The following NIPAL2 variants were observed in gnomAD, a reference collection of about 807,000 sequenced individuals.
NIPAL2 encodes the protein NIPA-like protein 2.
Under a neutral mutation model 48.9 loss-of-function variants are expected in NIPAL2, and 43 were observed. That is an observed-to-expected ratio of 0.88 (90% CI 0.69 to 1.13). The LOEUF (loss-of-function observed/expected upper bound fraction) is 1.13, where lower values mean the gene tolerates loss of function less well. Ranked by LOEUF, NIPAL2 falls within the 50% of genes most tolerant of loss-of-function variation. NIPAL2 has a pLI of 0.00. For synonymous variants in NIPAL2, 167 were observed against 174.6 expected (o/e 0.96, Z 0.34); for missense variants, 446 against 461.4 (o/e 0.97, Z 0.31).
Position 98,251,631 on chromosome 8 carries a change from A to G in NIPAL2, c.376+832T>C, listed in dbSNP as rs115823218. 486 of 152,370 alleles carry G rather than the reference A, an allele frequency of 3.2e-3. 1 individual carries two copies. Among genetic ancestry groups the G allele is most frequent in the African/African-American group, 0.011 (458 of 41,592 alleles). The allele number at this position is 152,370 out of a possible 1,614,324, so 9.4% of individuals were successfully genotyped here. On this transcript the variant is annotated intron_variant, in intron 3 of 10. Transcript: ENST00000430223. ...ACAAAATAAAATTCTCTTCGAATCT[A>G]CATCGTTTCAGTTTAAATGATGTTT... is the stretch of plus-strand genomic sequence containing the variant.
intron 6 of NIPAL2, among the ~76,000 whole-genome samples, chr8:98,206,433 T>C (rs1667494340): frequency 6.6e-6 from 1 of 152,020 alleles, no homozygotes; most frequent in South Asian, 2.1e-4. Context: ...AAACTGAAAA[T>C]ATACTTTAAC....
intron 3 of NIPAL2, among the ~76,000 whole-genome samples, chr8:98,251,324 T>C (rs936623389): frequency 2.0e-5 from 3 of 152,220 alleles, no homozygotes; most frequent in Non-Finnish European, 4.4e-5. Flanking sequence ...TTTTATCTGT[T>C]ATTTCCCAGA....
At position 98,191,004 on chromosome 8, in the gene NIPAL2, ATT is replaced by A. The variant is rs1259779607; in HGVS notation, c.*1972_*1973del. Reference sequence around the variant, plus strand: ...GGAAAGTAAAACTAGGTCTGAATATATTTTATATGTTACCTGGACTTCTAAAA... The same window carrying A: ...GGAAAGTAAAACTAGGTCTGAATATATTATATGTTACCTGGACTTCTAAAA... On this transcript the variant is annotated 3_prime_UTR_variant, in exon 11 of 11. Coordinates refer to ENST00000430223, the MANE Select transcript of NIPAL2 (RefSeq NM_001321635.2). The A allele has an allele frequency of 2.0e-5, 3 of 152,224 alleles. No individual in the cohort carries two copies. Among genetic ancestry groups the A allele is most frequent in the Non-Finnish European group, 4.4e-5 (3 of 68,032 alleles). The allele number at this position is 152,224 out of a possible 1,614,324, so 9.4% of individuals were successfully genotyped here. A position where few individuals can be genotyped will look rare whatever the true frequency, so the allele number is the denominator to read the frequency against.
intron 3 of NIPAL2, among the ~76,000 whole-genome samples, chr8:98,237,015 C>T (rs1050995260): frequency 2.6e-5 from 4 of 152,032 alleles, no homozygotes; most frequent in Admixed American, 6.6e-5. Flanking sequence ...TTCTATTTGA[C>T]GATCCACATC....
chr8:98,211,711 T>TGAGA lies in NIPAL2; in HGVS notation c.655+690_655+693dup, dbSNP rs35032754. On this transcript the variant is annotated intron_variant, in intron 6 of 10. Coordinates refer to ENST00000430223, the MANE Select transcript of NIPAL2 (RefSeq NM_001321635.2). Reference sequence around the variant, plus strand: ...ATCTCCTAGTGTTGGTATATATGAGTGAGAGAGAGAGAGAGAGAGAAAGTG... The same window carrying TGAGA: ...ATCTCCTAGTGTTGGTATATATGAGTGAGAGAGAGAGAGAGAGAGAGAGAAAGTG... 3.1e-3 allele frequency among the ~76,000 whole-genome samples: 389 copies of TGAGA among 126,878 alleles called. 7 individuals are homozygous for TGAGA. Among genetic ancestry groups the TGAGA allele is most frequent in the African/African-American group, 0.011 (338 of 31,752 alleles). 83.2% of individuals were successfully genotyped at this position (126,878 alleles called of 152,430 possible).
At chr8:98,212,051 C>T (rs1392909205) in intron 6 of NIPAL2, among the ~76,000 whole-genome samples, 1 of 152,114 alleles carries the variant, frequency 6.6e-6, no homozygotes, top group Non-Finnish European at 1.5e-5. Flanking sequence ...TAGTATAGGT[C>T]TTGCTAACCA....
chr8:98,232,417 A>G (rs1812481572), intron 4 of NIPAL2, among the ~76,000 whole-genome samples: 1 of 152,170 alleles, frequency 6.6e-6, no homozygotes, highest in East Asian at 1.9e-4. Context: ...AGTTTGCAAA[A>G]ATGTCCTAAT....
In NIPAL2 at chr8:98,267,310, G is replaced by A. The variant is rs1586447196; in HGVS notation, c.136-13223C>T. Among the ~76,000 whole-genome samples, 3 of 151,822 alleles carry A rather than the reference G, an allele frequency of 2.0e-5. 1 individual carries two copies. In the Middle Eastern group the frequency reaches 0.01, roughly 516 times the overall value. On this transcript the variant is annotated intron_variant, in intron 1 of 10. Transcript: ENST00000430223. ...ACTTACAGATGTAGGTACAACTAGA[G>A]GGGATATTCTATTTTCCTTTTTTTT...
rs111241715 is a variant in NIPAL2, at chr8:98,202,028, C to A, written c.880+1080G>T. Among the ~76,000 whole-genome samples the A allele has an allele frequency of 2.5e-3, 376 of 152,286 alleles. 4 individuals are homozygous for A. The highest frequency in any genetic ancestry group is 8.5e-3 in the African/African-American group (352 of 41,546). ...AGATAAGCCAATGAATGAGGGCATA[C>A]CAGTACCAAATATAGAAATGGTATA... On this transcript the variant is annotated intron_variant, in intron 8 of 10. Coordinates refer to ENST00000430223, the MANE Select transcript of NIPAL2 (RefSeq NM_001321635.2).
chr8:98,228,060 C>T (rs992384331), intron 4 of NIPAL2, among the ~76,000 whole-genome samples: 6 of 152,160 alleles, frequency 3.9e-5, no homozygotes, highest in African/African-American at 1.2e-4. Flanking sequence ...TTCTTCTTCC[C>T]CGAGTGTGCA....
chr8:98,271,368 T>C (rs1319563711), intron 1 of NIPAL2, among the ~76,000 whole-genome samples: 4 of 152,248 alleles, frequency 2.6e-5, no homozygotes, highest in Non-Finnish European at 5.9e-5. Context: ...ATCTCTGATT[T>C]CTTTCAGCAG....
At chr8:98,272,031 C>G (rs1815166091) in intron 1 of NIPAL2, among the ~76,000 whole-genome samples, 1 of 151,840 alleles carries the variant, frequency 6.6e-6, no homozygotes, top group South Asian at 2.1e-4. Context: ...AAATTTGCAC[C>G]CCAGGAATAA....
chr8:98,242,067 C>T (rs1813008530), intron 3 of NIPAL2, among the ~76,000 whole-genome samples: 1 of 152,140 alleles, frequency 6.6e-6, no homozygotes, highest in Admixed American at 6.5e-5. Context: ...TGATAATATA[C>T]CAATTTATCA....
intron 1 of NIPAL2, among the ~76,000 whole-genome samples, chr8:98,255,425 C>A (rs1813830823): frequency 1.3e-5 from 2 of 152,052 alleles, no homozygotes; most frequent in Non-Finnish European, 2.9e-5. Flanking sequence ...CACAAAGAAC[C>A]CTTTTCAGAA....
intron 5 of NIPAL2, among the ~76,000 whole-genome samples, chr8:98,213,161 A>G (rs1811404191): frequency 6.6e-6 from 1 of 152,020 alleles, no homozygotes; most frequent in Non-Finnish European, 1.5e-5. Flanking sequence ...ACGTACCGAC[A>G]CCTCTGAAGT....
chr8:98,222,563 C>A lies in NIPAL2; in HGVS notation c.474G>T (p.Val158=), dbSNP rs1811952406. Reference sequence around the variant, plus strand: ...CCTGAGTTATATTTGGAGCAAAGTTCACCAGTAAATATGTTCCTGCAAATG... The same window carrying A: ...CCTGAGTTATATTTGGAGCAAAGTTAACCAGTAAATATGTTCCTGCAAATG... ...TLAFAGTYLL[V]NFAPNITQAI... Residue 158 remains valine, a synonymous_variant, in exon 5 of 11, where the codon GTG becomes GTT. Transcript: ENST00000430223. The A allele has an allele frequency of 6.2e-7, 1 of 1,614,036 alleles. No individual in the cohort carries two copies. The highest frequency in any genetic ancestry group is 2.2e-5 in the East Asian group (1 of 44,886).
At chr8:98,268,865 A>C (rs1007604150) in intron 1 of NIPAL2, among the ~76,000 whole-genome samples, 1 of 152,180 alleles carries the variant, frequency 6.6e-6, no homozygotes, top group Non-Finnish European at 1.5e-5. Context: ...TATGTTTAAA[A>C]ATGTTAGACA....
intron 1 of NIPAL2, among the ~76,000 whole-genome samples, chr8:98,276,825 T>C (rs545086061): frequency 6.6e-6 from 1 of 151,918 alleles, no homozygotes; most frequent in African/African-American, 2.4e-5. Flanking sequence ...CAGGCTGAAG[T>C]GCAGTTGCGC....
intron 4 of NIPAL2, among the ~76,000 whole-genome samples, chr8:98,226,114 C>T (rs2130765855): frequency 6.6e-6 from 1 of 152,034 alleles, no homozygotes; most frequent in South Asian, 2.1e-4. Context: ...TTCTGAATTC[C>T]TTCTCTGGGT....
Sources: allele counts gnomAD v4.1 joint callset (sites outside exome capture counted in the v4.1 genomes callset), GRCh38; gene constraint gnomAD v4.1.1; transcripts MANE v1.5; gene names NCBI Gene and HGNC (gene_info 2026-07-23, HGNC 2026-07-21).